Variants in PEDS1 observed in about 807,000 individuals in gnomAD.
PEDS1 encodes the protein CarF homolog.
PEDS1 carries 14 observed loss-of-function variants against 35.2 expected under a neutral mutation model. The ratio of observed to expected loss-of-function variants is 0.40; its 90% confidence interval spans 0.26 to 0.62. PEDS1 has a LOEUF of 0.62. PEDS1 is among the 20% of genes least tolerant of loss of function. The pLI is 0.44. For missense variants in PEDS1, 260 were observed against 367.8 expected, an observed-to-expected ratio of 0.71 and a Z score of 2.40; for synonymous variants, 152 against 152.0, an observed-to-expected ratio of 1.00 and a Z score of 0.00.
intron 1 of PEDS1, among the ~76,000 whole-genome samples, chr20:50,152,630 A>C (rs1407153952): frequency 1.3e-5 from 2 of 152,138 alleles, no homozygotes; most frequent in East Asian, 3.9e-4. Context: ...CCGTGGCCTG[A>C]GGGAAAGGGA....
intron 2 of PEDS1, 145 bp from the exon 3 acceptor site, chr20:50,131,092 G>T: frequency 6.5e-7 from 1 of 1,550,150 alleles, no homozygotes; most frequent in Non-Finnish European, 8.7e-7. Flanking sequence ...CTTCCCTGAA[G>T]ATGGAGCCTC....
At chr20:50,138,056 T>A (rs1384018264) in intron 2 of PEDS1, among the ~76,000 whole-genome samples, 1 of 152,218 alleles carries the variant, frequency 6.6e-6, no homozygotes, top group Non-Finnish European at 1.5e-5. Flanking sequence ...CTGTAACAAA[T>A]GTGCCCCGCT....
At chr20:50,140,664 C>T (rs1247285315) in intron 2 of PEDS1, among the ~76,000 whole-genome samples, 3 of 152,208 alleles carry the variant, frequency 2.0e-5, no homozygotes, top group African/African-American at 4.8e-5. Flanking sequence ...CCCGCCTACC[C>T]GCTTAGCTTG....
chr20:50,151,425 G>A (rs2081401580), intron 1 of PEDS1: 1 of 609,108 alleles, frequency 1.6e-6, no homozygotes, highest in Non-Finnish European at 2.8e-6. Flanking sequence ...CTGTCTGAAA[G>A]TAGGTAGGGT....
chr20:50,145,910 C>G (rs1299812400), intron 1 of PEDS1, among the ~76,000 whole-genome samples: 1 of 152,152 alleles, frequency 6.6e-6, no homozygotes, highest in Admixed American at 6.5e-5. Flanking sequence ...TCAGAGTGGT[C>G]AAGGAAGTAG....
intron 1 of PEDS1, among the ~76,000 whole-genome samples, chr20:50,145,160 C>A (rs1004026187): frequency 1.3e-5 from 2 of 151,932 alleles, no homozygotes; most frequent in African/African-American, 2.4e-5. Context: ...TGAGATGGCA[C>A]CACTGCACTC....
rs1280248678 is a variant in PEDS1, at chr20:50,128,753, T to A, written c.479-566A>T. Among the ~76,000 whole-genome samples, 1 of 152,156 alleles carries A rather than the reference T, an allele frequency of 6.6e-6. No individual in the cohort carries two copies. The highest frequency in any genetic ancestry group is 2.4e-5 in the African/African-American group (1 of 41,444). On this transcript the variant is annotated intron_variant, in intron 4 of 5. Coordinates refer to ENST00000371652, the MANE Select transcript of PEDS1 (RefSeq NM_199129.4). The surrounding 1 kb of genome is among the most constrained non-coding windows in gnomAD (Gnocchi z 5.2). ...CAAGGAGCTCTGAGGTGTTAACGGC[T>A]CTTTAGAATTAGACCCACTCAGAGG...
chr20:50,135,008 C>A (rs2081218508), intron 2 of PEDS1, among the ~76,000 whole-genome samples: 1 of 151,736 alleles, frequency 6.6e-6, no homozygotes. Flanking sequence ...CATGGTGAAA[C>A]CCCGTCTTTA....
intron 2 of PEDS1, among the ~76,000 whole-genome samples, chr20:50,142,682 GCCCCCC>G (rs3091914): frequency 2.9e-5 from 1 of 33,932 alleles, no homozygotes; most frequent in Non-Finnish European, 5.6e-5. Flanking sequence ...CAAGTCATCC[GCCCCCC>G]CCCCCCCGCC....
intron 1 of PEDS1, among the ~76,000 whole-genome samples, chr20:50,147,060 T>TGCCC (rs1389771449): frequency 6.6e-6 from 1 of 152,168 alleles, no homozygotes; most frequent in African/African-American, 2.4e-5. Context: ...CCTGCCTGCC[T>TGCCC]GCCCCACAGC....
chr20:50,145,321 G>A (rs1479631837), intron 1 of PEDS1, among the ~76,000 whole-genome samples: 1 of 152,172 alleles, frequency 6.6e-6, no homozygotes, highest in Non-Finnish European at 1.5e-5. Context: ...CTTGAGCCCA[G>A]GAGTTCAAGA....
Position 50,131,247 on chromosome 20 carries a change from C to T in PEDS1, c.242-300G>A, listed in dbSNP as rs2081176184. On this transcript the variant is annotated intron_variant, in intron 2 of 5. Coordinates refer to ENST00000371652, the MANE Select transcript of PEDS1 (RefSeq NM_199129.4). Reference sequence around the variant, plus strand: ...TTAGGAGCAGGCTGTGCCCTTCTCTCTGCCCCATATAAGGAAAGCCTGCTC... The same window carrying T: ...TTAGGAGCAGGCTGTGCCCTTCTCTTTGCCCCATATAAGGAAAGCCTGCTC... The T allele has an allele frequency of 4.8e-6, 3 of 630,088 alleles. No individual in the cohort carries two copies. In the East Asian group the frequency reaches 8.2e-5, roughly 17 times the overall value. 39.0% of individuals were successfully genotyped at this position (630,088 alleles called of 1,614,324 possible).
At chr20:50,149,609 C>A (rs978528898) in intron 1 of PEDS1, among the ~76,000 whole-genome samples, 1 of 152,148 alleles carries the variant, frequency 6.6e-6, no homozygotes, top group African/African-American at 2.4e-5. Context: ...ACACTTGGGG[C>A]CTGCGAAATC....
chr20:50,131,217 C>G, intron 2 of PEDS1: 2 of 713,402 alleles, frequency 2.8e-6, no homozygotes, highest in Non-Finnish European at 2.4e-6. Context: ...CTCAACCTTT[C>G]CCTATTAGGA....
At position 50,128,177 on chromosome 20, in the gene PEDS1, C is replaced by A. The variant is rs774524205; in HGVS notation, c.489G>T (p.Glu163Asp). The A allele has an allele frequency of 6.2e-7, 1 of 1,614,082 alleles. No individual in the cohort carries two copies. The change falls in exon 5 of 6, where the codon GAG (glutamate) becomes GAT (aspartate). Residue 163 changes from glutamate to aspartate, a missense_variant. By Grantham distance (45) the Glu-to-Asp change is conservative (BLOSUM62 2). Transcript: ENST00000371652. This position sits in a 1 kb window ranked among gnomAD's most constrained non-coding sequence, Gnocchi z 5.2. ...CGAAGCACTCCCAGGGGTATAGCTGCTCCAGGGCTTCTGCAGGTTGGGGAG... is the reference window on the plus strand; with the variant it reads ...CGAAGCACTCCCAGGGGTATAGCTGATCCAGGGCTTCTGCAGGTTGGGGAG... ...KFRTHSPEAL[E>D]QLYPWECFVF...
At chr20:50,150,103 G>T (rs1484907200) in intron 1 of PEDS1, among the ~76,000 whole-genome samples, 2 of 152,184 alleles carry the variant, frequency 1.3e-5, no homozygotes, top group Non-Finnish European at 2.9e-5. Context: ...TGCCTGGGGT[G>T]GGGGTTGGGA....
Position 50,120,543 on chromosome 20 carries a change from A to G in PEDS1, c.*4515T>C, listed in dbSNP as rs1231499906. 2.0e-5 allele frequency: 3 copies of G among 151,614 alleles called. No individual in the cohort carries two copies. The East Asian group carries it at 5.8e-4, about 29-fold the overall frequency. The allele number at this position is 151,614 out of a possible 1,614,324, so 9.4% of individuals were successfully genotyped here. A position where few individuals can be genotyped will look rare whatever the true frequency, so the allele number is the denominator to read the frequency against. ...CTTGAAAAATATTTTTGGTTTATCAAAGGAGGGTTGGCTGGGCGCGGTGGT... is the reference window on the plus strand; with the variant it reads ...CTTGAAAAATATTTTTGGTTTATCAGAGGAGGGTTGGCTGGGCGCGGTGGT... On this transcript the variant is annotated 3_prime_UTR_variant, in exon 6 of 6. Transcript: ENST00000371652.
chr20:50,146,486 G>A (rs929638477), intron 1 of PEDS1, among the ~76,000 whole-genome samples: 1 of 152,116 alleles, frequency 6.6e-6, no homozygotes, highest in African/African-American at 2.4e-5. Flanking sequence ...CAACTCCATG[G>A]CTTTGTCTCT....
chr20:50,149,183 A>G (rs766381568), intron 1 of PEDS1, among the ~76,000 whole-genome samples: 9 of 152,102 alleles, frequency 5.9e-5, no homozygotes, highest in Non-Finnish European at 1.2e-4. Context: ...AAAAAACAGA[A>G]AGCCCATCTG....
Sources: allele counts gnomAD v4.1 joint callset (sites outside exome capture counted in the v4.1 genomes callset), GRCh38; gene constraint gnomAD v4.1.1; non-coding constraint Gnocchi (gnomAD v3.1); transcripts MANE v1.5; gene names NCBI Gene and HGNC (gene_info 2026-07-23, HGNC 2026-07-21).